Variants in POC5 observed in about 807,000 individuals in gnomAD.
POC5 encodes POC5 centriolar protein.
A neutral mutation model predicts 62.9 loss-of-function variants in POC5; 48 were observed. That is an observed-to-expected ratio of 0.76 (90% CI 0.61 to 0.97). The LOEUF (loss-of-function observed/expected upper bound fraction) is 0.97, where lower values mean the gene tolerates loss of function less well. Ranked by LOEUF, POC5 falls within the 50% of genes least tolerant of loss-of-function variation. The pLI is 0.00. For synonymous variants in POC5, 236 were observed against 228.2 expected (o/e 1.03, Z -0.31); for missense variants, 696 against 679.5 (o/e 1.02, Z -0.27).
Position 75,674,490 on chromosome 5 carries a change from C to T in POC5, c.1673G>A (p.Arg558Lys), listed in dbSNP as rs1704993017. The T allele has an allele frequency of 6.2e-7, 1 of 1,613,866 alleles. No individual in the cohort carries two copies. Among genetic ancestry groups the T allele is most frequent in the South Asian group, 1.1e-5 (1 of 91,086 alleles). ...TGTGAGAGACTGGGTGTGAGCTGAT[C>T]TGGTTCCAAGTGATCTGGAAGCTGA... The part of the protein sequence containing the change: ...STSASRSLGT[R>K]SAHTQSLTSV... Residue 558 changes from arginine (R) to lysine (K), a missense_variant, in exon 12 of 12, where the codon AGA becomes AAA. Physicochemically the swap from Arg to Lys is conservative, Grantham distance 26. Transcript: ENST00000428202.
At position 75,694,695 on chromosome 5, in the gene POC5, A is replaced by G; in HGVS notation, c.650T>C (p.Leu217Pro). 6.3e-7 allele frequency: 1 copy of G among 1,578,016 alleles called. No homozygotes were observed. The highest frequency in any genetic ancestry group is 8.6e-7 in the Non-Finnish European group (1 of 1,167,882). The change falls in exon 6 of 12, where the codon CTG becomes CCG. Residue 217 changes from leucine (L) to proline (P), a missense_variant. Physicochemically the swap from Leu to Pro is moderately conservative, Grantham distance 98 (BLOSUM62 -3). Coordinates refer to ENST00000428202, the MANE Select transcript of POC5 (RefSeq NM_001099271.2). ...AATGGAGATTTCAAAGGTTTTTTGCAGCTCCTTCAATTCATTGATCTGATT... is the reference window on the plus strand; with the variant it reads ...AATGGAGATTTCAAAGGTTTTTTGCGGCTCCTTCAATTCATTGATCTGATT... The part of the protein sequence containing the change: ...LCNQINELKE[L>P]QKTFEISIGR...
chr5:75,712,816 TA>T, intron 2 of POC5, 37 bp downstream of exon 2: 3 of 1,448,284 alleles, frequency 2.1e-6, no homozygotes, highest in Non-Finnish European at 2.8e-6. Context: ...TTGTTTAAAA[TA>T]AAAAAAGTCA....
At chr5:75,715,685 T>C (rs1385793815) in intron 1 of POC5, among the ~76,000 whole-genome samples, 1 of 152,230 alleles carries the variant, frequency 6.6e-6, no homozygotes, top group African/African-American at 2.4e-5. Flanking sequence ...GCAATATTTT[T>C]ATCATAAATG....
At chr5:75,705,569 A>G (rs182578213) in intron 4 of POC5, 135 bp downstream of exon 4, 97 of 563,050 alleles carry the variant, frequency 1.7e-4, no homozygotes, top group East Asian at 7.5e-4. Flanking sequence ...ATTATCACTT[A>G]AATTAGCAAT....
At chr5:75,705,894 A>G in intron 3 of POC5, 107 bp from the exon 4 acceptor site, 1 of 626,376 alleles carries the variant, frequency 1.6e-6, no homozygotes, top group East Asian at 3.0e-5. Context: ...TAGAACAAAC[A>G]AAATACAACA....
chr5:75,674,542 G>C lies in POC5; in HGVS notation c.1621C>G (p.Arg541Gly), dbSNP rs771787338. The part of the protein sequence containing the change: ...IPQATAAKYP[R>G]TIHPESSTSA... ...GTACTACTTTCAGGATGAATGGTCC[G>C]GGGATATTTTGCTGCAGTTGCTTGA... The change falls in exon 12 of 12, where the codon CGG becomes GGG. Residue 541 changes from arginine to glycine, a missense_variant. Transcript: ENST00000428202. 6.2e-7 allele frequency: 1 copy of C among 1,613,972 alleles called. No homozygotes were observed. Among genetic ancestry groups the C allele is most frequent in the Non-Finnish European group, 8.5e-7 (1 of 1,179,880 alleles).
At chr5:75,716,195 T>C (rs1029515509) in intron 1 of POC5, among the ~76,000 whole-genome samples, 3 of 152,050 alleles carry the variant, frequency 2.0e-5, no homozygotes, top group Non-Finnish European at 2.9e-5. Context: ...CATACACATG[T>C]TAAGTAAACT....
intron 10 of POC5, among the ~76,000 whole-genome samples, chr5:75,682,468 AAC>A (rs1200023473): frequency 6.6e-6 from 1 of 152,150 alleles, no homozygotes; most frequent in Non-Finnish European, 1.5e-5. Flanking sequence ...ATGGAAAACA[AAC>A]ACAGCTGAAA....
At chr5:75,703,896 C>T (rs1393092075) in intron 4 of POC5, among the ~76,000 whole-genome samples, 1 of 152,034 alleles carries the variant, frequency 6.6e-6, no homozygotes, top group African/African-American at 2.4e-5. Context: ...TGGCTCATGC[C>T]TGTAATCCCC....
Position 75,692,376 on chromosome 5 carries a change from T to A in POC5, c.795+20A>T. On this transcript the variant is annotated intron_variant, in intron 7 of 11. Coordinates refer to ENST00000428202, the MANE Select transcript of POC5 (RefSeq NM_001099271.2). ...TCAGAAGTCTAACATCCATCAGCTG[T>A]CTTCTGCTTTGACACTTACATCCTG... 2 of 1,525,878 alleles carry A rather than the reference T, an allele frequency of 1.3e-6. No homozygotes were observed. Among genetic ancestry groups the A allele is most frequent in the Non-Finnish European group, 1.8e-6 (2 of 1,124,688 alleles). 94.5% of individuals were successfully genotyped at this position (1,525,878 alleles called of 1,614,324 possible). A position where few individuals can be genotyped will look rare whatever the true frequency, so the allele number is the denominator to read the frequency against.
intron 4 of POC5, among the ~76,000 whole-genome samples, chr5:75,704,153 CA>C (rs373819320): frequency 0.066 from 5,889 of 89,554 alleles, 315 homozygotes; most frequent in African/African-American, 0.21. Flanking sequence ...GACTCTGTCT[CA>C]AAAAAAAAAA....
rs561677039 is a variant in POC5 at position 75,701,270 on chromosome 5, C to G, written c.513+1335G>C. 4.4e-3 allele frequency among the ~76,000 whole-genome samples: 601 copies of G among 136,348 alleles called. 7 individuals are homozygous for G. The highest frequency in any genetic ancestry group is 0.014 in the African/African-American group (530 of 38,242). 89.4% of individuals were successfully genotyped at this position (136,348 alleles called of 152,430 possible). A position where few individuals can be genotyped will look rare whatever the true frequency, so the allele number is the denominator to read the frequency against. ...ATGCGGCTATAAAGACACATGCACA[C>G]GTATGTTTATTGCGGCATTATTCAC... On this transcript the variant is annotated intron_variant, in intron 5 of 11. Coordinates refer to ENST00000428202, the MANE Select transcript of POC5 (RefSeq NM_001099271.2).
At chr5:75,712,315 T>C in intron 2 of POC5, 1 of 1,468,594 alleles carries the variant, frequency 6.8e-7, no homozygotes, top group South Asian at 1.1e-5. Flanking sequence ...ATGAAATATT[T>C]AGAAATAAGA....
rs1776210414 is a variant in POC5 at position 75,689,081 on chromosome 5, C to CT, written c.1059dup (p.Ala354SerfsTer12). The CT allele has an allele frequency of 6.2e-7, 1 of 1,602,998 alleles. No homozygotes were observed. The highest frequency in any genetic ancestry group is 1.7e-5 in the Admixed American group (1 of 58,872). Reference sequence around the variant, plus strand: ...AATGCACATACACCCCTCATGAAAGCTTTTTTCATGGAATCTTCAAAGTGC... The same window carrying CT: ...AATGCACATACACCCCTCATGAAAGCTTTTTTTCATGGAATCTTCAAAGTGC... On this transcript the variant is annotated frameshift_variant, in exon 9 of 12. Transcript: ENST00000428202. LOFTEE classifies it high-confidence loss of function.
chr5:75,703,292 C>G (rs1447280032), intron 4 of POC5, among the ~76,000 whole-genome samples: 1 of 152,132 alleles, frequency 6.6e-6, no homozygotes, highest in Admixed American at 6.5e-5. Context: ...GTATATAGGT[C>G]AATATTACTC....
chr5:75,702,676 C>T lies in POC5; in HGVS notation c.442G>A (p.Asp148Asn), dbSNP rs200926172. ...AGGTTTTCATCAGAAACAAGAAAAT[C>T]GCTCACAAGTATTTCATGGGCATCT... is the stretch of plus-strand genomic sequence containing the variant. ...HTDAHEILVS[D>N]FLVSDENLQK... The change falls in exon 5 of 12, where the codon GAT becomes AAT. Residue 148 changes from aspartate (D) to asparagine (N), a missense_variant. Transcript: ENST00000428202. The T allele has an allele frequency of 1.5e-4, 244 of 1,612,392 alleles. No homozygotes were observed. Among genetic ancestry groups the T allele is most frequent in the Middle Eastern group, 6.6e-4 (4 of 6,062 alleles).
chr5:75,712,431 T>C (rs368172855), intron 2 of POC5: 22 of 1,612,670 alleles, frequency 1.4e-5, no homozygotes, highest in African/African-American at 9.3e-5. Flanking sequence ...GTACTGAATG[T>C]TGTGACAACA....
Position 75,715,250 on chromosome 5 carries a change from T to C in POC5, c.-15+2056A>G, listed in dbSNP as rs561870220. Reference sequence around the variant, plus strand: ...GCGTGAACCCGGGAGGCGGAGCTCATAGTGAGCCAAGATCGCGCCGCTGCA... The same window carrying C: ...GCGTGAACCCGGGAGGCGGAGCTCACAGTGAGCCAAGATCGCGCCGCTGCA... On this transcript the variant is annotated intron_variant, in intron 1 of 11. Coordinates refer to ENST00000428202, the MANE Select transcript of POC5 (RefSeq NM_001099271.2). 5.2e-5 allele frequency among the ~76,000 whole-genome samples: 7 copies of C among 134,478 alleles called. No homozygotes were observed. The South Asian group carries it at 1.3e-3, about 26-fold the overall frequency. The allele number at this position is 134,478 out of a possible 152,430, so 88.2% of individuals were successfully genotyped here.
intron 10 of POC5, among the ~76,000 whole-genome samples, chr5:75,683,787 T>C (rs1346876686): frequency 1.3e-5 from 2 of 151,572 alleles, no homozygotes; most frequent in African/African-American, 4.9e-5. Flanking sequence ...CATAGTAACC[T>C]TGAACTCTTG....
Sources: gnomAD v4.1 joint callset for allele counts (sites outside exome capture counted in the v4.1 genomes callset) on GRCh38, gnomAD v4.1.1 for gene constraint, MANE v1.5 for transcripts, NCBI Gene and HGNC (gene_info 2026-07-23, HGNC 2026-07-21) for gene names.